Variants in SERPINI1 observed in about 807,000 individuals in gnomAD.
SERPINI1 encodes the protein neuroserpin.
A neutral mutation model predicts 41.1 loss-of-function variants in SERPINI1; 19 were observed. The observed-to-expected ratio is 0.46, with a 90% confidence interval of 0.32 to 0.68. SERPINI1 has a LOEUF of 0.68. SERPINI1 is among the 30% of genes least tolerant of loss of function. The pLI is 0.03. For synonymous variants in SERPINI1, 138 were observed against 156.6 expected (o/e 0.88, Z 0.89); for missense variants, 460 against 479.2 (o/e 0.96, Z 0.37).
intron 1 of SERPINI1, among the ~76,000 whole-genome samples, chr3:167,779,725 T>G (rs1251035620): frequency 6.6e-6 from 1 of 152,176 alleles, no homozygotes; most frequent in Non-Finnish European, 1.5e-5. Context: ...TATGCCCTTT[T>G]GATGTACCTG....
intron 5 of SERPINI1, among the ~76,000 whole-genome samples, chr3:167,801,718 G>C (rs909515088): frequency 6.6e-6 from 1 of 151,918 alleles, no homozygotes. Flanking sequence ...CTCAATATAT[G>C]GGAGATAACG....
At chr3:167,791,812 A>T (rs1401431964) in intron 3 of SERPINI1, among the ~76,000 whole-genome samples, 1 of 152,236 alleles carries the variant, frequency 6.6e-6, no homozygotes, top group Non-Finnish European at 1.5e-5. Context: ...TGATAATTTA[A>T]TCACGTACAT....
chr3:167,820,015 G>T (rs989751342), intron 6 of SERPINI1, among the ~76,000 whole-genome samples: 3 of 152,180 alleles, frequency 2.0e-5, no homozygotes, highest in Non-Finnish European at 4.4e-5. Flanking sequence ...TTTATGGTTT[G>T]CTAGGGCTGC....
chr3:167,766,745 C>T (rs187958140), intron 1 of SERPINI1, among the ~76,000 whole-genome samples: 1 of 152,318 alleles, frequency 6.6e-6, no homozygotes, highest in Non-Finnish European at 1.5e-5. Flanking sequence ...ATAGATCAAA[C>T]CAGCCATAAA....
chr3:167,775,532 G>A (rs1475245589), intron 1 of SERPINI1, among the ~76,000 whole-genome samples: 1 of 151,964 alleles, frequency 6.6e-6, no homozygotes, highest in East Asian at 1.9e-4. Context: ...CAAAACAATT[G>A]GGGAGCAACT....
chr3:167,741,406 A>G (rs1011340764), intron 1 of SERPINI1, among the ~76,000 whole-genome samples: 1 of 151,960 alleles, frequency 6.6e-6, no homozygotes, highest in African/African-American at 2.4e-5. Context: ...CTTGTAGTCC[A>G]CTCCTAGCAT....
chr3:167,759,399 G>GGT (rs1559997790), intron 1 of SERPINI1, among the ~76,000 whole-genome samples: 3 of 81,576 alleles, frequency 3.7e-5, no homozygotes, highest in African/African-American at 1.3e-4. Flanking sequence ...AAGAAAATGT[G>GGT]GTATATATAT....
At position 167,744,722 on chromosome 3, in the gene SERPINI1, T is replaced by C. The variant is rs1465287050; in HGVS notation, c.-19+8899T>C. On this transcript the variant is annotated intron_variant, in intron 1 of 8. Coordinates refer to ENST00000446050, the MANE Select transcript of SERPINI1 (RefSeq NM_001122752.2). Reference sequence around the variant, plus strand: ...TAAATATATATAAAATATATATAAATATATAAATATATATATTATATATAA... The same window carrying C: ...TAAATATATATAAAATATATATAAACATATAAATATATATATTATATATAA... 6.3e-5 allele frequency among the ~76,000 whole-genome samples: 8 copies of C among 126,894 alleles called. No homozygotes were observed. The South Asian group carries it at 1.3e-3, about 21-fold the overall frequency. 83.2% of individuals were successfully genotyped at this position (126,894 alleles called of 152,430 possible).
chr3:167,799,509 G>A (rs1384451196), intron 5 of SERPINI1, among the ~76,000 whole-genome samples: 1 of 152,188 alleles, frequency 6.6e-6, no homozygotes, highest in African/African-American at 2.4e-5. Context: ...ACATACGTGT[G>A]TGTGTGTCTT....
At chr3:167,791,417 T>C (rs569198891) in intron 3 of SERPINI1, among the ~76,000 whole-genome samples, 69 of 152,270 alleles carry the variant, frequency 4.5e-4, no homozygotes, top group African/African-American at 1.6e-3. Flanking sequence ...ATCTTTTACC[T>C]TAAGAAGTGC....
Position 167,790,365 on chromosome 3 carries a change from C to A in SERPINI1, c.251-7C>A. ...TACAAATAAACTTATCCTTTCTCAT[C>A]TTTCAGGTGAAGAATTTTCTTTCTT... On this transcript the variant is annotated splice_region_variant and splice_polypyrimidine_tract_variant and intron_variant, in intron 2 of 8. Transcript: ENST00000446050. 1 of 1,577,422 alleles carries A rather than the reference C, an allele frequency of 6.3e-7. No homozygotes were observed. Among genetic ancestry groups the A allele is most frequent in the Non-Finnish European group, 8.7e-7 (1 of 1,146,760 alleles).
intron 3 of SERPINI1, among the ~76,000 whole-genome samples, chr3:167,792,144 A>C (rs1727541403): frequency 6.6e-6 from 1 of 152,088 alleles, no homozygotes. Context: ...AACAAACAAA[A>C]AACAGAATAA....
At chr3:167,815,916 C>G (rs776891463) in intron 6 of SERPINI1, among the ~76,000 whole-genome samples, 7 of 152,170 alleles carry the variant, frequency 4.6e-5, no homozygotes, top group Non-Finnish European at 7.3e-5. Context: ...TTTACTCAAT[C>G]AGATTTTGAA....
intron 1 of SERPINI1, among the ~76,000 whole-genome samples, chr3:167,787,560 T>C (rs2108555307): frequency 1.3e-5 from 2 of 152,310 alleles, no homozygotes; most frequent in Admixed American, 1.3e-4. Context: ...TGCTGTGCTC[T>C]TGGCACCTGG....
chr3:167,764,039 C>T (rs1726477010), intron 1 of SERPINI1, among the ~76,000 whole-genome samples: 2 of 152,024 alleles, frequency 1.3e-5, no homozygotes, highest in South Asian at 4.2e-4. Context: ...CCCAAGGACA[C>T]CTTTTGTTTC....
intron 1 of SERPINI1, among the ~76,000 whole-genome samples, chr3:167,754,481 GTGCT>G (rs996781615): frequency 8.9e-4 from 136 of 152,248 alleles, no homozygotes; most frequent in African/African-American, 3.2e-3. Flanking sequence ...TCTATTATCT[GTGCT>G]TTCTTTAGTA....
chr3:167,792,702 T>C lies in SERPINI1; in HGVS notation c.594T>C (p.Asn198=), dbSNP rs1727571199. 6.2e-7 allele frequency: 1 copy of C among 1,613,730 alleles called. No individual in the cohort carries two copies. Among genetic ancestry groups the C allele is most frequent in the Non-Finnish European group, 8.5e-7 (1 of 1,179,912 alleles). ...GGAAGTCGCAGTTTAGGCCTGAAAA[T>C]ACTAGAACCTTTTCTTTCACTAAAG... ...GNWKSQFRPE[N]TRTFSFTKDD... Residue 198 remains asparagine (N), a synonymous_variant, in exon 4 of 9, where the codon AAT becomes AAC. Transcript: ENST00000446050.
intron 5 of SERPINI1, among the ~76,000 whole-genome samples, chr3:167,799,880 T>C (rs780681213): frequency 6.6e-6 from 1 of 152,226 alleles, no homozygotes; most frequent in Non-Finnish European, 1.5e-5. Context: ...TTTGCCCACT[T>C]TTTGATGGGT....
At chr3:167,743,642 A>G (rs1017048275) in intron 1 of SERPINI1, among the ~76,000 whole-genome samples, 1 of 152,106 alleles carries the variant, frequency 6.6e-6, no homozygotes, top group African/African-American at 2.4e-5. Flanking sequence ...AACAATCTCT[A>G]GTGTGAGTTT....
Sources: allele counts gnomAD v4.1 joint callset (sites outside exome capture counted in the v4.1 genomes callset), GRCh38; gene constraint gnomAD v4.1.1; transcripts MANE v1.5; gene names NCBI Gene and HGNC (gene_info 2026-07-23, HGNC 2026-07-21).